The following MYO9B variants were observed in gnomAD, a reference collection of about 807,000 sequenced individuals.
MYO9B encodes unconventional myosin-IXb.
MYO9B carries 71 observed loss-of-function variants against 229.5 expected under a neutral mutation model. The observed-to-expected ratio is 0.31, with a 90% CI of 0.26 to 0.38. The LOEUF (loss-of-function observed/expected upper bound fraction) is 0.38. MYO9B is among the 10% of genes least tolerant of loss of function. MYO9B has a pLI of 1.00. For missense variants in MYO9B, 2,255 were observed against 2,920.5 expected (o/e 0.77, Z 5.25); for synonymous variants, 1,185 against 1,235.8 (o/e 0.96, Z 0.86).
intron 21 of MYO9B, among the ~76,000 whole-genome samples, chr19:17,194,172 A>AAAAATAAAATAAAAT (rs59395007): frequency 0.042 from 6,236 of 148,456 alleles, 194 homozygotes; most frequent in Admixed American, 0.057. Flanking sequence ...ACTCTGTCTC[A>AAAAATAAAATAAAAT]AAAATAAAAT....
At chr19:17,086,254 G>T (rs13343952) in intron 1 of MYO9B, among the ~76,000 whole-genome samples, 2 of 151,950 alleles carry the variant, frequency 1.3e-5, no homozygotes, top group South Asian at 4.1e-4. Context: ...TCTCTCTCCC[G>T]GCCTCCAGCC....
chr19:17,118,575 A>G (rs549682757), intron 2 of MYO9B, among the ~76,000 whole-genome samples: 28 of 152,058 alleles, frequency 1.8e-4, no homozygotes, highest in African/African-American at 5.8e-4. Context: ...TCCGCCTCCC[A>G]GGTTCAAGTG....
intron 1 of MYO9B, among the ~76,000 whole-genome samples, chr19:17,092,553 C>T (rs2057647861): frequency 6.6e-6 from 1 of 152,112 alleles, no homozygotes; most frequent in South Asian, 2.1e-4. Context: ...TGGCAAAGCC[C>T]TGTCTCTATT....
chr19:17,202,801 CA>C (rs1325893738), intron 28 of MYO9B, 40 bp from the exon 29 acceptor site: 4 of 1,559,404 alleles, frequency 2.6e-6, no homozygotes, highest in African/African-American at 1.4e-5. Context: ...GGGCTCTTCC[CA>C]GGGGGGCCCC....
chr19:17,092,238 A>G (rs2057644929), intron 1 of MYO9B, among the ~76,000 whole-genome samples: 1 of 152,210 alleles, frequency 6.6e-6, no homozygotes, highest in African/African-American at 2.4e-5. Flanking sequence ...GCCTACATCC[A>G]GGCAGCTCAG....
At chr19:17,164,660 G>A (rs2072639802) in intron 10 of MYO9B, among the ~76,000 whole-genome samples, 2 of 152,160 alleles carry the variant, frequency 1.3e-5, no homozygotes, top group Admixed American at 1.3e-4. Context: ...GGGATTATAG[G>A]CGTGAGCCAC....
intron 2 of MYO9B, among the ~76,000 whole-genome samples, chr19:17,109,424 C>G (rs1055461260): frequency 6.6e-6 from 1 of 152,118 alleles, no homozygotes; most frequent in Non-Finnish European, 1.5e-5. Flanking sequence ...GTTTGGGCTT[C>G]GTGATTTTCC....
At chr19:17,105,036 C>T (rs962969651) in intron 2 of MYO9B, among the ~76,000 whole-genome samples, 1 of 152,094 alleles carries the variant, frequency 6.6e-6, no homozygotes, top group African/African-American at 2.4e-5. Flanking sequence ...TAAAATTCCT[C>T]CATGCTCCCC....
chr19:17,101,858 C>T lies in MYO9B; in HGVS notation c.141C>T (p.Val47=), dbSNP rs2057747808. The change falls in exon 2 of 40, where the codon GTC becomes GTT. Residue 47 remains valine, a synonymous_variant. Coordinates refer to ENST00000682292, the MANE Select transcript of MYO9B (RefSeq NM_004145.4). This position sits in a 1 kb window ranked among gnomAD's most constrained non-coding sequence, Gnocchi z 4.7. The part of the protein sequence containing the change: ...TATKDSTTSD[V]IKDAIASLRL... ...CCAAGGACAGCACCACCTCGGACGT[C>T]ATCAAGGACGCCATTGCCAGCCTGC... 2 of 1,612,722 alleles carry T rather than the reference C, an allele frequency of 1.2e-6. No individual in the cohort carries two copies. The highest frequency in any genetic ancestry group is 8.5e-7 in the Non-Finnish European group (1 of 1,179,730).
chr19:17,196,141 TGTGGGTGGGTGG>T lies in MYO9B; in HGVS notation c.4046+681_4046+692del, dbSNP rs56003665. Reference sequence around the variant, plus strand: ...GGAGAGAGAGAGAGAGGGAAGGATGTGTGGGTGGGTGGGTGGGTGGGTGGATGGATGGAAGAT... The same window carrying T: ...GGAGAGAGAGAGAGAGGGAAGGATGTGTGGGTGGGTGGATGGATGGAAGAT... On this transcript the variant is annotated intron_variant, in intron 22 of 39. Transcript: ENST00000682292. Among the ~76,000 whole-genome samples, 10 of 74,466 alleles carry T rather than the reference TGTGGGTGGGTGG, an allele frequency of 1.3e-4. No homozygotes were observed. The South Asian group carries it at 4.0e-3, about 29-fold the overall frequency. The allele number at this position is 74,466 out of a possible 152,430, so 48.9% of individuals were successfully genotyped here.
At chr19:17,200,875 G>A in intron 26 of MYO9B, 46 bp downstream of exon 26, 2 of 1,589,380 alleles carry the variant, frequency 1.3e-6, no homozygotes, top group East Asian at 2.2e-5. Context: ...CCGGTCCCCA[G>A]GGGAACCATC....
Position 17,203,248 on chromosome 19 carries a change from G to T in MYO9B, c.4980G>T (p.Leu1660=). ...ATATCTGGCTCATGGACAAGGCCCT[G>T]CTCTGCAGCGGTGAGTGGCTCCCCC... ...LSYIWLMDKA[L]LCSVCKMTCH... The change falls in exon 30 of 40, where the codon CTG becomes CTT. Residue 1660 remains leucine (L), a synonymous_variant. Transcript: ENST00000682292. 6.4e-7 allele frequency: 1 copy of T among 1,554,654 alleles called. No individual in the cohort carries two copies. Among genetic ancestry groups the T allele is most frequent in the Non-Finnish European group, 8.7e-7 (1 of 1,148,336 alleles).
chr19:17,197,565 G>A (rs2073059822), intron 22 of MYO9B, among the ~76,000 whole-genome samples: 2 of 152,132 alleles, frequency 1.3e-5, no homozygotes, highest in African/African-American at 2.4e-5. Context: ...ACCATTCTCT[G>A]TAGGGTATTG....
intron 2 of MYO9B, among the ~76,000 whole-genome samples, chr19:17,111,848 C>G (rs1047788167): frequency 6.6e-6 from 1 of 152,202 alleles, no homozygotes; most frequent in African/African-American, 2.4e-5. Context: ...TCTGCCTGTT[C>G]TGGACATTTC....
rs2073036752 is a variant in MYO9B, at chr19:17,195,838, G to C, written c.4046+365G>C. Among the ~76,000 whole-genome samples, 1 of 152,056 alleles carries C rather than the reference G, an allele frequency of 6.6e-6. No homozygotes were observed. Among genetic ancestry groups the C allele is most frequent in the Non-Finnish European group, 1.5e-5 (1 of 68,024 alleles). On this transcript the variant is annotated intron_variant, in intron 22 of 39. Transcript: ENST00000682292. This position sits in a 1 kb window ranked among gnomAD's most constrained non-coding sequence, Gnocchi z 4.5. ...ACTCCTCGGGGTTAAAGGAGCAGGG[G>C]CTTGCTCTGCCTGAGCCTTAGTAAG...
rs916985884 is a variant in MYO9B, at chr19:17,189,846, G to A, written c.2689-1251G>A. Reference sequence around the variant, plus strand: ...TGGGAGCCTGAGGCGGGCGGATCACGAGGTCAGGAGATCGAGACCATCCTG... The same window carrying A: ...TGGGAGCCTGAGGCGGGCGGATCACAAGGTCAGGAGATCGAGACCATCCTG... On this transcript the variant is annotated intron_variant, in intron 19 of 39. Coordinates refer to ENST00000682292, the MANE Select transcript of MYO9B (RefSeq NM_004145.4). Among the ~76,000 whole-genome samples the A allele has an allele frequency of 1.3e-4, 20 of 151,902 alleles. 1 individual carries two copies. Among genetic ancestry groups the A allele is most frequent in the South Asian group, 4.2e-4 (2 of 4,810 alleles).
At chr19:17,157,210 C>T (rs1308110768) in intron 7 of MYO9B, 172 bp downstream of exon 7, 2 of 806,000 alleles carry the variant, frequency 2.5e-6, no homozygotes, top group Non-Finnish European at 3.6e-6. Flanking sequence ...CTGATGAGCT[C>T]TGTGGACAGG....
chr19:17,185,098 G>A (rs1259685974), intron 17 of MYO9B, 111 bp downstream of exon 17: 50 of 1,493,960 alleles, frequency 3.3e-5, no homozygotes, highest in South Asian at 6.0e-5. Context: ...AAAATTGGCC[G>A]GGCGCGGTGG....
chr19:17,134,960 C>T (rs1009707670), intron 2 of MYO9B, among the ~76,000 whole-genome samples: 3 of 150,704 alleles, frequency 2.0e-5, no homozygotes, highest in South Asian at 2.1e-4. Flanking sequence ...GACGGGGTTT[C>T]GCCATGTTGG....
Sources: gnomAD v4.1 joint callset for allele counts (sites outside exome capture counted in the v4.1 genomes callset) on GRCh38, gnomAD v4.1.1 for gene constraint, Gnocchi (gnomAD v3.1) non-coding constraint, MANE v1.5 for transcripts, NCBI Gene and HGNC (gene_info 2026-07-23, HGNC 2026-07-21) for gene names.